Variants in CEP290 observed in about 807,000 individuals in gnomAD.
The protein encoded by CEP290 is centrosomal protein 290, also known as centrosomal protein of 290 kDa.
Under a neutral mutation model 344.9 loss-of-function variants are expected in CEP290, and 317 were observed. The ratio of observed to expected loss-of-function variants is 0.92; its 90% CI spans 0.84 to 1.01. The LOEUF is 1.01. Among genes scored for constraint, CEP290 ranks in the 50% least tolerant of loss-of-function variants. The pLI is 0.00. For synonymous variants in CEP290, 932 were observed against 895.8 expected, an observed-to-expected ratio of 1.04 and a Z score of -0.72; for missense variants, 2,754 against 2,761.4, an observed-to-expected ratio of 1.00 and a Z score of 0.06.
At chr12:88,096,056 T>C (rs973076716) in intron 27 of CEP290, among the ~76,000 whole-genome samples, 2 of 151,674 alleles carry the variant, frequency 1.3e-5, no homozygotes, top group African/African-American at 4.8e-5. Flanking sequence ...ACAAATTTTT[T>C]TTTTTTTTTG....
chr12:88,081,012 C>T (rs971700676), intron 37 of CEP290, among the ~76,000 whole-genome samples: 7 of 152,100 alleles, frequency 4.6e-5, no homozygotes, highest in Non-Finnish European at 8.8e-5. Context: ...AATATTATGG[C>T]TCTTGTAAAA....
chr12:88,077,122 G>T (rs752463928), intron 41 of CEP290, 100 bp downstream of exon 41: 3 of 1,094,310 alleles, frequency 2.7e-6, no homozygotes, highest in Non-Finnish European at 3.9e-6. Context: ...ATACAGCCAG[G>T]TCATCAAATT....
At chr12:88,082,807 G>C (rs547063711) in intron 37 of CEP290, among the ~76,000 whole-genome samples, 1 of 152,270 alleles carries the variant, frequency 6.6e-6, no homozygotes, top group South Asian at 2.1e-4. Context: ...TCAAATTATG[G>C]CTTTCCCATC....
chr12:88,086,364 G>C lies in CEP290; in HGVS notation c.4302+27C>G, dbSNP rs944851856. On this transcript the variant is annotated intron_variant, in intron 33 of 53. Transcript: ENST00000552810. Reference sequence around the variant, plus strand: ...TTAACACTCTAGACTATGCTACAGAGTAACAAACAAGATTAATCATTCATA... The same window carrying C: ...TTAACACTCTAGACTATGCTACAGACTAACAAACAAGATTAATCATTCATA... 9.1e-6 allele frequency: 14 copies of C among 1,543,456 alleles called. No individual in the cohort carries two copies. In the East Asian group the frequency reaches 3.3e-4, roughly 36 times the overall value.
intron 5 of CEP290, 46 bp from the exon 6 acceptor site, chr12:88,136,832 G>A (rs2040379261): frequency 6.4e-7 from 1 of 1,569,822 alleles, no homozygotes; most frequent in Non-Finnish European, 8.7e-7. Flanking sequence ...ATTATATTTT[G>A]AGGTTCAAAT....
At chr12:88,094,062 T>C (rs2037252417) in intron 27 of CEP290, 87 bp from the exon 28 acceptor site, 1 of 1,012,502 alleles carries the variant, frequency 9.9e-7, no homozygotes, top group East Asian at 2.5e-5. Flanking sequence ...TAGAAAGCAT[T>C]ATAGTTCCAT....
In CEP290 at chr12:88,093,983, C is replaced by A. The variant is rs1367753672; in HGVS notation, c.3104-8G>T. 1 of 1,580,074 alleles carries A rather than the reference C, an allele frequency of 6.3e-7. No individual in the cohort carries two copies. Among genetic ancestry groups the A allele is most frequent in the Non-Finnish European group, 8.6e-7 (1 of 1,161,690 alleles). ...CCATGCTAGATTCATTACCTACATGCAATAATATTTAAGTCAATCTCATGC... is the reference window on the plus strand; with the variant it reads ...CCATGCTAGATTCATTACCTACATGAAATAATATTTAAGTCAATCTCATGC... On this transcript the variant is annotated splice_region_variant and splice_polypyrimidine_tract_variant and intron_variant, in intron 27 of 53. Coordinates refer to ENST00000552810, the MANE Select transcript of CEP290 (RefSeq NM_025114.4).
rs74398442 is a variant in CEP290, at chr12:88,069,969, G to A, written c.6012-1324C>T. The stretch of plus-strand genomic sequence containing the variant: ...CTTGGAAGAAATGAGCGAAACAGAA[G>A]ATTAAATAGTTTTAGCTGTTGTCAG... On this transcript the variant is annotated intron_variant, in intron 43 of 53. Transcript: ENST00000552810. Among the ~76,000 whole-genome samples the A allele has an allele frequency of 4.5e-3, 683 of 152,196 alleles. 4 individuals carry two copies. Among genetic ancestry groups the A allele is most frequent in the African/African-American group, 0.016 (653 of 41,488 alleles).
intron 32 of CEP290, 129 bp from the exon 33 acceptor site, chr12:88,086,627 GA>G (rs1423037719): frequency 1.6e-6 from 1 of 623,352 alleles, no homozygotes; most frequent in Non-Finnish European, 2.6e-6. Context: ...TCCTTTTATG[GA>G]AAAAAATACA....
rs371159780 is a variant in CEP290, at chr12:88,107,095, T to C, written c.2487A>G (p.Glu829=). The C allele has an allele frequency of 1.2e-4, 175 of 1,521,234 alleles. No homozygotes were observed. The African/African-American group carries it at 2.3e-3, about 20-fold the overall frequency. The allele number at this position is 1,521,234 out of a possible 1,614,324, so 94.2% of individuals were successfully genotyped here. The part of the protein sequence containing the change: ...QSLLYKEYLS[E]KETWKTESKT... ...TAGATTCTGTTTTCCAGGTCTCCTTTTCACTAAAAACAAAACAAAACAAAA... is the reference window on the plus strand; with the variant it reads ...TAGATTCTGTTTTCCAGGTCTCCTTCTCACTAAAAACAAAACAAAACAAAA... Residue 829 remains glutamate, a synonymous_variant, in exon 24 of 54, where the codon GAA becomes GAG. Coordinates refer to ENST00000552810, the MANE Select transcript of CEP290 (RefSeq NM_025114.4).
At chr12:88,057,919 G>T (rs944426161) in intron 49 of CEP290, 1 of 152,386 alleles carries the variant, frequency 6.6e-6, no homozygotes, top group Non-Finnish European at 1.5e-5. Flanking sequence ...CATCAAAGGG[G>T]ACATTGGAGG....
intron 43 of CEP290, among the ~76,000 whole-genome samples, chr12:88,070,040 C>T (rs1395658923): frequency 1.3e-5 from 2 of 152,108 alleles, no homozygotes; most frequent in East Asian, 1.9e-4. Flanking sequence ...TTTTATTTTG[C>T]TTTTCACGAC....
In CEP290 at chr12:88,089,445, G is replaced by A; in HGVS notation, c.3616C>T (p.His1206Tyr). The A allele has an allele frequency of 6.3e-7, 1 of 1,588,902 alleles. No individual in the cohort carries two copies. Among genetic ancestry groups the A allele is most frequent in the East Asian group, 2.3e-5 (1 of 44,298 alleles). Reference sequence around the variant, plus strand: ...TCACTCAGTTGAAGAGAGACATTATGTTGGTGCAACTTGGCAATGAGCGAC... The same window carrying A: ...TCACTCAGTTGAAGAGAGACATTATATTGGTGCAACTTGGCAATGAGCGAC... The part of the protein sequence containing the change: ...EKSLIAKLHQ[H>Y]NVSLQLSEAT... Residue 1206 changes from histidine to tyrosine, a missense_variant, in exon 31 of 54, where the codon CAT becomes TAT. Transcript: ENST00000552810.
In CEP290 at chr12:88,090,856, T is replaced by C; in HGVS notation, c.3462-17A>G. 1.4e-6 allele frequency: 2 copies of C among 1,464,126 alleles called. No homozygotes were observed. The highest frequency in any genetic ancestry group is 1.9e-6 in the Non-Finnish European group (2 of 1,073,688). The allele number at this position is 1,464,126 out of a possible 1,614,324, so 90.7% of individuals were successfully genotyped here. On this transcript the variant is annotated splice_polypyrimidine_tract_variant and intron_variant, in intron 29 of 53. Transcript: ENST00000552810. ...TCTCTCAGTCTAGGAAATGATAAGG[T>C]ATTTCAGGAACAATTAAGTACACTT...
intron 44 of CEP290, among the ~76,000 whole-genome samples, chr12:88,066,298 T>TTTTG (rs781717725): frequency 1.3e-5 from 2 of 152,104 alleles, no homozygotes; most frequent in Non-Finnish European, 2.9e-5. Flanking sequence ...GCAAAGTGCT[T>TTTTG]TTTGTTTGTT....
chr12:88,062,609 T>C (rs2034562594), intron 46 of CEP290, 83 bp downstream of exon 46: 1 of 843,126 alleles, frequency 1.2e-6, no homozygotes. Context: ...GGCATATCAG[T>C]ACTTTTACAA....
intron 32 of CEP290, among the ~76,000 whole-genome samples, chr12:88,087,202 TAGAAAC>T (rs2036647983): frequency 6.6e-6 from 1 of 152,186 alleles, no homozygotes; most frequent in Non-Finnish European, 1.5e-5. Flanking sequence ...TGAGAGCCAG[TAGAAAC>T]GTGGAACTGT....
At chr12:88,076,960 G>T (rs1042866331) in intron 41 of CEP290, among the ~76,000 whole-genome samples, 5 of 152,008 alleles carry the variant, frequency 3.3e-5, no homozygotes, top group Non-Finnish European at 7.4e-5. Context: ...TCTAATGTCA[G>T]AAAGATGAAT....
rs556820066 is a variant in CEP290, at chr12:88,060,875, A to T, written c.6477T>A (p.Thr2159=). 25 of 1,542,230 alleles carry T rather than the reference A, an allele frequency of 1.6e-5. No individual in the cohort carries two copies. In the African/African-American group the frequency reaches 3.3e-4, roughly 20 times the overall value. The change falls in exon 47 of 54, where the codon ACT becomes ACA. Residue 2159 remains threonine, a synonymous_variant. Transcript: ENST00000552810. Reference sequence around the variant, plus strand: ...GCTCAATATTAGCCATTTTTTCACTAGTCAATATTCCTGATGCTTTTTTCA... The same window carrying T: ...GCTCAATATTAGCCATTTTTTCACTTGTCAATATTCCTGATGCTTTTTTCA... The part of the protein sequence containing the change: ...EQLKKASGIL[T]SEKMANIEQE...
Sources: allele counts gnomAD v4.1 joint callset (sites outside exome capture counted in the v4.1 genomes callset), GRCh38; gene constraint gnomAD v4.1.1; transcripts MANE v1.5; gene names NCBI Gene and HGNC (gene_info 2026-07-23, HGNC 2026-07-21).